The following RIMBP2 variants were observed in gnomAD, a reference collection of about 807,000 sequenced individuals.
RIMBP2 encodes the protein RIMS-binding protein 2.
RIMBP2 carries 48 observed loss-of-function variants against 118.6 expected under a neutral mutation model. The observed-to-expected ratio is 0.40, with a 90% CI of 0.32 to 0.51. RIMBP2 has a LOEUF of 0.51. Among genes scored for constraint, RIMBP2 ranks in the 20% least tolerant of loss-of-function variants. The pLI, the probability that RIMBP2 is intolerant of heterozygous loss-of-function variation, is 0.41. For missense variants in RIMBP2, 1,551 were observed against 1,768.3 expected, an observed-to-expected ratio of 0.88 and a Z score of 2.20; for synonymous variants, 762 against 742.9, an observed-to-expected ratio of 1.03 and a Z score of -0.42.
chr12:130,517,270 C>T (rs550709114), intron 3 of RIMBP2, among the ~76,000 whole-genome samples: 1 of 152,252 alleles, frequency 6.6e-6, no homozygotes, highest in Non-Finnish European at 1.5e-5. Flanking sequence ...CCGCGGGGCA[C>T]CCTATACCAC....
chr12:130,515,033 C>T (rs948257367), intron 3 of RIMBP2, among the ~76,000 whole-genome samples: 1 of 152,180 alleles, frequency 6.6e-6, no homozygotes, highest in African/African-American at 2.4e-5. Flanking sequence ...CCGGCCACCA[C>T]GCCCGGCTAA....
In RIMBP2 at chr12:130,422,453, C is replaced by T. The variant is rs1175738932; in HGVS notation, c.3238G>A (p.Asp1080Asn). Residue 1080 changes from aspartate to asparagine, a missense_variant and splice_region_variant, in exon 17 of 23, where the codon GAC becomes AAC. Coordinates refer to ENST00000690449, the MANE Select transcript of RIMBP2 (RefSeq NM_001393629.1). This position sits in a 1 kb window ranked among gnomAD's most constrained non-coding sequence, Gnocchi z 5.2. ...RSRPVTVPSI[D>N]DYGRDRLSPD... The stretch of plus-strand genomic sequence containing the variant: ...CAACAGCGATGATGGGGCCACTAAC[C>T]GATGGATGGGACTGTCACGGGCCGG... 1 of 1,604,388 alleles carries T rather than the reference C, an allele frequency of 6.2e-7. No individual in the cohort carries two copies.
rs115955618 is a variant in RIMBP2, at chr12:130,560,321, G to A, written c.-216-42404C>T. ...TTTAATTTGGGGGGAGGGCAGAGTC[G>A]GGGGTCTCGGTTCCAGGGTTTCTCA... On this transcript the variant is annotated intron_variant, in intron 2 of 22. Coordinates refer to ENST00000690449, the MANE Select transcript of RIMBP2 (RefSeq NM_001393629.1). 3.3e-3 allele frequency among the ~76,000 whole-genome samples: 504 copies of A among 152,012 alleles called. 4 individuals are homozygous for A. The highest frequency in any genetic ancestry group is 0.012 in the African/African-American group (483 of 41,464).
rs886397740 is a variant in RIMBP2, at chr12:130,670,555, C to T, written c.-351-42099G>A. Among the ~76,000 whole-genome samples, 23 of 152,192 alleles carry T rather than the reference C, an allele frequency of 1.5e-4. No individual in the cohort carries two copies. The highest frequency in any genetic ancestry group is 5.5e-4 in the African/African-American group (23 of 41,544). On this transcript the variant is annotated intron_variant, in intron 1 of 22. Transcript: ENST00000690449. This position sits in a 1 kb window ranked among gnomAD's most constrained non-coding sequence, Gnocchi z 4.9. ...TAGCCGACTTTATATATATGGAGGT[C>T]TCAACATAAAGTTTACACTTGTTCA...
At chr12:130,494,917 G>A (rs944514873) in intron 4 of RIMBP2, among the ~76,000 whole-genome samples, 1 of 152,214 alleles carries the variant, frequency 6.6e-6, no homozygotes, top group Non-Finnish European at 1.5e-5. Flanking sequence ...CGGCAGGGCC[G>A]GATCCTCTCG....
intron 1 of RIMBP2, among the ~76,000 whole-genome samples, chr12:130,639,439 A>T (rs1167303915): frequency 1.5e-5 from 2 of 136,276 alleles, no homozygotes; most frequent in Non-Finnish European, 3.0e-5. Context: ...TAATCCCAGC[A>T]CTCTGGGAGG....
Position 130,447,468 on chromosome 12 carries a change from C to T in RIMBP2, c.582-2199G>A, listed in dbSNP as rs1041971667. Among the ~76,000 whole-genome samples, 1 of 151,894 alleles carries T rather than the reference C, an allele frequency of 6.6e-6. No individual in the cohort carries two copies. The highest frequency in any genetic ancestry group is 6.6e-5 in the Admixed American group (1 of 15,262). On this transcript the variant is annotated intron_variant, in intron 9 of 22. Coordinates refer to ENST00000690449, the MANE Select transcript of RIMBP2 (RefSeq NM_001393629.1). The surrounding 1 kb of genome is among the most constrained non-coding windows in gnomAD (Gnocchi z 4.4). ...AGAGACAGAAGTAGGTCAGGGGTCACGCAGCGCTGGAGGCGGGGGAGGAGG... is the reference window on the plus strand; with the variant it reads ...AGAGACAGAAGTAGGTCAGGGGTCATGCAGCGCTGGAGGCGGGGGAGGAGG...
At chr12:130,537,490 C>T (rs1018452457) in intron 2 of RIMBP2, among the ~76,000 whole-genome samples, 1 of 152,200 alleles carries the variant, frequency 6.6e-6, no homozygotes, top group African/African-American at 2.4e-5. Context: ...GCCATATTGC[C>T]ATTAGCAAAC....
At chr12:130,704,824 G>A (rs2066021623) in intron 1 of RIMBP2, among the ~76,000 whole-genome samples, 1 of 152,126 alleles carries the variant, frequency 6.6e-6, no homozygotes, top group Non-Finnish European at 1.5e-5. Context: ...CACCGGTTCA[G>A]GTCCTGGCAT....
chr12:130,678,373 C>T (rs951515197), intron 1 of RIMBP2, among the ~76,000 whole-genome samples: 1 of 152,228 alleles, frequency 6.6e-6, no homozygotes, highest in African/African-American at 2.4e-5. Context: ...GGTGGACGAG[C>T]GGATCGTAGT....
intron 21 of RIMBP2, among the ~76,000 whole-genome samples, chr12:130,401,471 C>G (rs1039082507): frequency 2.0e-5 from 3 of 151,804 alleles, no homozygotes; most frequent in Admixed American, 2.0e-4. Flanking sequence ...AAGAGGCAGC[C>G]CCACATACTT....
intron 1 of RIMBP2, among the ~76,000 whole-genome samples, chr12:130,697,735 TC>T (rs2065642918): frequency 6.6e-6 from 1 of 152,074 alleles, no homozygotes; most frequent in East Asian, 1.9e-4. Flanking sequence ...GGCTGGAGGA[TC>T]GCCTGAGTCC....
intron 1 of RIMBP2, chr12:130,658,093 T>C (rs2063502750): frequency 6.6e-6 from 1 of 152,164 alleles, no homozygotes; most frequent in Non-Finnish European, 1.5e-5. Context: ...TCCCAGTACT[T>C]AAAAGACGAC....
chr12:130,661,154 C>G (rs182049193), intron 1 of RIMBP2, among the ~76,000 whole-genome samples: 200 of 152,302 alleles, frequency 1.3e-3, no homozygotes, highest in African/African-American at 4.6e-3. Context: ...TTCCAGCAGC[C>G]ATGCCTCCTC....
At chr12:130,409,881 G>GT (rs2075561540) in intron 19 of RIMBP2, among the ~76,000 whole-genome samples, 2 of 152,194 alleles carry the variant, frequency 1.3e-5, no homozygotes, top group Admixed American at 6.5e-5. Flanking sequence ...GTGTGTGAAC[G>GT]TAAGTTTCCC....
At chr12:130,638,489 T>TGG (rs2062451515) in intron 1 of RIMBP2, among the ~76,000 whole-genome samples, 1 of 152,110 alleles carries the variant, frequency 6.6e-6, no homozygotes, top group Non-Finnish European at 1.5e-5. Flanking sequence ...AGGTGAATGG[T>TGG]GGGTGAACAA....
rs770474586 is a variant in RIMBP2, at chr12:130,470,963, G to C, written c.103-220C>G. ...ATAAATTGCACATCCAGGGGGTCTG[G>C]GACACAGATTATTTCTTCACCCAGG... On this transcript the variant is annotated intron_variant, in intron 5 of 22. Transcript: ENST00000690449. Among the ~76,000 whole-genome samples the C allele has an allele frequency of 4.6e-5, 7 of 152,152 alleles. No homozygotes were observed. In the South Asian group the frequency reaches 1.4e-3, roughly 32 times the overall value.
chr12:130,605,348 G>A (rs1217411104), intron 2 of RIMBP2, among the ~76,000 whole-genome samples: 3 of 152,088 alleles, frequency 2.0e-5, no homozygotes, highest in Non-Finnish European at 4.4e-5. Context: ...AATCACGCGG[G>A]GAAACCGTGT....
chr12:130,407,723 T>G lies in RIMBP2; in HGVS notation c.3693+3A>C. 1 of 1,611,886 alleles carries G rather than the reference T, an allele frequency of 6.2e-7. No individual in the cohort carries two copies. Among genetic ancestry groups the G allele is most frequent in the Non-Finnish European group, 8.5e-7 (1 of 1,178,024 alleles). On this transcript the variant is annotated splice_donor_region_variant and intron_variant, in intron 20 of 22. Transcript: ENST00000690449. ...GTCATGAAGTGCAGTGTTTGGCTGG[T>G]ACCTCGACATCGACGTTGGGCGAGC...
Sources: gnomAD v4.1 joint callset for allele counts (sites outside exome capture counted in the v4.1 genomes callset) on GRCh38, gnomAD v4.1.1 for gene constraint, Gnocchi (gnomAD v3.1) non-coding constraint, MANE v1.5 for transcripts, NCBI Gene and HGNC (gene_info 2026-07-23, HGNC 2026-07-21) for gene names.